The following TSPEAR variants were observed in gnomAD, a reference collection of about 807,000 sequenced individuals.
TSPEAR encodes the protein thrombospondin-type laminin G domain and EAR repeat-containing protein.
Under a neutral mutation model 71.6 loss-of-function variants are expected in TSPEAR, and 69 were observed. The observed-to-expected ratio is 0.96, with a 90% CI of 0.79 to 1.18. The LOEUF (loss-of-function observed/expected upper bound fraction) is 1.18. Ranked by LOEUF, TSPEAR falls within the 50% of genes most tolerant of loss-of-function variation. TSPEAR has a pLI of 0.00. For missense variants in TSPEAR, 971 were observed against 894.9 expected (o/e 1.09, Z -1.09); for synonymous variants, 402 against 387.2 (o/e 1.04, Z -0.45).
At chr21:44,532,195 C>T (rs373925185) in intron 3 of TSPEAR, among the ~76,000 whole-genome samples, 20 of 152,362 alleles carry the variant, frequency 1.3e-4, no homozygotes, top group African/African-American at 4.6e-4. Context: ...CCACCATCTT[C>T]CCCAGGAAGT....
intron 1 of TSPEAR, among the ~76,000 whole-genome samples, chr21:44,708,915 C>T (rs1555953029): frequency 6.6e-6 from 1 of 152,228 alleles, no homozygotes; most frequent in African/African-American, 2.4e-5. Context: ...GCTGAGCAAA[C>T]GTAGGGGGAA....
intron 1 of TSPEAR, among the ~76,000 whole-genome samples, chr21:44,606,120 T>A (rs1306192932): frequency 1.4e-5 from 1 of 71,934 alleles, no homozygotes; most frequent in Non-Finnish European, 2.8e-5. Flanking sequence ...TAACCCAATC[T>A]AAAAATGGAC....
chr21:44,608,813 G>A (rs923742349), intron 1 of TSPEAR, among the ~76,000 whole-genome samples: 10 of 152,212 alleles, frequency 6.6e-5, no homozygotes, highest in African/African-American at 1.2e-4. Context: ...AAAGTTGTTG[G>A]TATATGCTAA....
intron 1 of TSPEAR, chr21:44,677,740 C>A: frequency 7.3e-7 from 1 of 1,376,174 alleles, no homozygotes; most frequent in South Asian, 1.2e-5. Flanking sequence ...TTTGTTACTT[C>A]TGATACACTA....
At chr21:44,610,778 A>T (rs587656397) in intron 1 of TSPEAR, among the ~76,000 whole-genome samples, 2 of 152,260 alleles carry the variant, frequency 1.3e-5, no homozygotes, top group South Asian at 2.1e-4. Flanking sequence ...GGGAGGCTGT[A>T]CCCTGCAAAG....
intron 1 of TSPEAR, among the ~76,000 whole-genome samples, chr21:44,682,905 G>T (rs575730891): frequency 1.3e-5 from 2 of 152,122 alleles, no homozygotes; most frequent in Middle Eastern, 3.2e-3. Flanking sequence ...TGGAGAGCAG[G>T]CCCCACACTG....
chr21:44,675,783 T>G (rs1986285154), intron 1 of TSPEAR: 1 of 546,928 alleles, frequency 1.8e-6, no homozygotes, highest in East Asian at 3.2e-5. Context: ...TCTAGACAAT[T>G]CTGGGACCCT....
chr21:44,593,217 G>A lies in TSPEAR; in HGVS notation c.83-25212C>T, dbSNP rs1320104018. Among the ~76,000 whole-genome samples, 1 of 152,110 alleles carries A rather than the reference G, an allele frequency of 6.6e-6. No homozygotes were observed. The highest frequency in any genetic ancestry group is 1.5e-5 in the Non-Finnish European group (1 of 68,026). ...TGGGTTCTGAACCTGCAGAGTAACC[G>A]TGCTGAGCAGCGGGCGGTCAGCAGC... On this transcript the variant is annotated intron_variant, in intron 1 of 11. Coordinates refer to ENST00000323084, the MANE Select transcript of TSPEAR (RefSeq NM_144991.3). This position sits in a 1 kb window ranked among gnomAD's most constrained non-coding sequence, Gnocchi z 5.9.
intron 1 of TSPEAR, chr21:44,600,622 A>G (rs1555928343): frequency 6.2e-7 from 1 of 1,612,034 alleles, no homozygotes; most frequent in Non-Finnish European, 8.5e-7. Context: ...AATCCCCAGC[A>G]TGGCTGCGTC....
At chr21:44,654,317 C>T in intron 1 of TSPEAR, 6 of 1,613,986 alleles carry the variant, frequency 3.7e-6, no homozygotes, top group Non-Finnish European at 5.1e-6. Flanking sequence ...GGTCTATAGA[C>T]CAGGGTGGGG....
chr21:44,623,247 T>C lies in TSPEAR; in HGVS notation c.83-55242A>G, dbSNP rs991227200. ...GGAGGCAAGATTCAACCCACTACAC[T>C]CATCTACTTCCTCCTGAGTTGTATA... On this transcript the variant is annotated intron_variant, in intron 1 of 11. Transcript: ENST00000323084. The surrounding 1 kb of genome is among the most constrained non-coding windows in gnomAD (Gnocchi z 4.5). Among the ~76,000 whole-genome samples, 4 of 152,208 alleles carry C rather than the reference T, an allele frequency of 2.6e-5. No homozygotes were observed. Among genetic ancestry groups the C allele is most frequent in the African/African-American group, 9.7e-5 (4 of 41,432 alleles).
Position 44,498,357 on chromosome 21 carries a change from G to T in TSPEAR, c.*1426C>A, listed in dbSNP as rs587705671. The T allele has an allele frequency of 1.1e-4, 16 of 152,372 alleles. No homozygotes were observed. In the East Asian group the frequency reaches 3.1e-3, roughly 29 times the overall value. The allele number at this position is 152,372 out of a possible 1,614,324, so 9.4% of individuals were successfully genotyped here. ...GACCTTCTGAGTGACTTGGTGGAAA[G>T]CAGGGCCCAACCCTCCTGCCCAGGA... On this transcript the variant is annotated 3_prime_UTR_variant, in exon 12 of 12. Transcript: ENST00000323084.
intron 1 of TSPEAR, among the ~76,000 whole-genome samples, chr21:44,663,276 C>A (rs1985593245): frequency 6.6e-6 from 1 of 151,736 alleles, no homozygotes; most frequent in Admixed American, 6.6e-5. Flanking sequence ...GAAGAAGAGA[C>A]ATCATTACAA....
chr21:44,696,179 T>A (rs952494565), intron 1 of TSPEAR, among the ~76,000 whole-genome samples: 1 of 152,204 alleles, frequency 6.6e-6, no homozygotes, highest in African/African-American at 2.4e-5. Flanking sequence ...AGGAGCTCCT[T>A]TTTTATAGCT....
In TSPEAR at chr21:44,637,571, T is replaced by G. The variant is rs1419413734; in HGVS notation, c.83-69566A>C. ...CCCAGTGAGCTGTGTGTCCAGCCCC[T>G]GCTGCCAGACGGCCTGTGAGCCCAG... On this transcript the variant is annotated intron_variant, in intron 1 of 11. Coordinates refer to ENST00000323084, the MANE Select transcript of TSPEAR (RefSeq NM_144991.3). 3 of 1,613,810 alleles carry G rather than the reference T, an allele frequency of 1.9e-6. No homozygotes were observed. The African/African-American group carries it at 4.0e-5, about 22-fold the overall frequency.
intron 1 of TSPEAR, among the ~76,000 whole-genome samples, chr21:44,595,864 T>C (rs782470905): frequency 2.0e-5 from 3 of 152,256 alleles, no homozygotes; most frequent in Non-Finnish European, 4.4e-5. Context: ...ATGGAGCTCC[T>C]TTCCTGTGAA....
chr21:44,669,653 C>T (rs1240432443), intron 1 of TSPEAR, among the ~76,000 whole-genome samples: 2 of 152,142 alleles, frequency 1.3e-5, no homozygotes, highest in African/African-American at 4.8e-5. Flanking sequence ...CAGGTTCCAG[C>T]ACACTCCATT....
chr21:44,573,476 A>C (rs1353720600), intron 1 of TSPEAR, among the ~76,000 whole-genome samples: 3 of 152,120 alleles, frequency 2.0e-5, no homozygotes, highest in Non-Finnish European at 4.4e-5. Flanking sequence ...ACTGCCCCTC[A>C]GCTCTTCCTC....
At chr21:44,614,426 C>T (rs993079097) in intron 1 of TSPEAR, among the ~76,000 whole-genome samples, 2 of 152,236 alleles carry the variant, frequency 1.3e-5, no homozygotes, top group South Asian at 4.1e-4. Flanking sequence ...GGGTGGGCTC[C>T]CTTGCAGACA....
Sources: allele counts gnomAD v4.1 joint callset (sites outside exome capture counted in the v4.1 genomes callset), GRCh38; gene constraint gnomAD v4.1.1; non-coding constraint Gnocchi (gnomAD v3.1); transcripts MANE v1.5; gene names NCBI Gene and HGNC (gene_info 2026-07-23, HGNC 2026-07-21).